The following CENPH variants were observed in gnomAD, a reference collection of about 807,000 sequenced individuals.
CENPH encodes the protein CENP-H.
Under a neutral mutation model 42.9 loss-of-function variants are expected in CENPH, and 40 were observed. The observed-to-expected ratio is 0.93, with a 90% confidence interval of 0.72 to 1.21. CENPH has a LOEUF of 1.21. Among genes scored for constraint, CENPH ranks in the 50% most tolerant of loss-of-function variants. The pLI is 0.00. For missense variants in CENPH, 302 were observed against 292.9 expected (o/e 1.03, Z -0.23); for synonymous variants, 88 against 96.5 (o/e 0.91, Z 0.52).
intron 7 of CENPH, among the ~76,000 whole-genome samples, chr5:69,206,813 CATT>C (rs796295070): frequency 1.3e-5 from 2 of 152,264 alleles, no homozygotes; most frequent in African/African-American, 4.8e-5. Context: ...CATTTGTAAA[CATT>C]ATATAGATTT....
At position 69,189,747 on chromosome 5, in the gene CENPH, A is replaced by G; in HGVS notation, c.113A>G (p.Asp38Gly). ...GGCGCCCAGGCGGCGTGCAGCGAGG[A>G]CCGCATGACCCTGCTCCTCAGGTTG... is the stretch of plus-strand genomic sequence containing the variant. Reference protein sequence around the residue: ...VAGAQAACSEDRMTLLLRLRA... With the variant: ...VAGAQAACSEGRMTLLLRLRA... The change falls in exon 1 of 9, where the codon GAC becomes GGC. Residue 38 changes from aspartate to glycine, a missense_variant. Physicochemically the swap from Asp to Gly is moderately conservative, Grantham distance 94 (BLOSUM62 -1). Coordinates refer to ENST00000283006, the MANE Select transcript of CENPH (RefSeq NM_022909.4). 6.5e-7 allele frequency: 1 copy of G among 1,538,218 alleles called. No individual in the cohort carries two copies. The highest frequency in any genetic ancestry group is 8.7e-7 in the Non-Finnish European group (1 of 1,145,740).
chr5:69,193,824 G>C (rs1213879083), intron 2 of CENPH, among the ~76,000 whole-genome samples: 1 of 151,870 alleles, frequency 6.6e-6, no homozygotes, highest in African/African-American at 2.4e-5. Context: ...GCTAATTTTT[G>C]TATTTTTAGT....
At chr5:69,192,839 G>A (rs934921352) in intron 2 of CENPH, among the ~76,000 whole-genome samples, 1 of 152,212 alleles carries the variant, frequency 6.6e-6, no homozygotes, top group Non-Finnish European at 1.5e-5. Context: ...GCTCACACCT[G>A]TAATCCCGGC....
Position 69,189,587 on chromosome 5 carries a change from T to A in CENPH, c.-48T>A. On this transcript the variant is annotated 5_prime_UTR_variant, in exon 1 of 9. Transcript: ENST00000283006. ...TTTAGTGGCGGGAAAAGCGACCTTT[T>A]CTGAGCGCGTTTGCCTGTTGAGTGG... 6.6e-7 allele frequency: 1 copy of A among 1,516,510 alleles called. No individual in the cohort carries two copies. The highest frequency in any genetic ancestry group is 8.8e-7 in the Non-Finnish European group (1 of 1,134,832). 93.9% of individuals were successfully genotyped at this position (1,516,510 alleles called of 1,614,324 possible). A position where few individuals can be genotyped will look rare whatever the true frequency, so the allele number is the denominator to read the frequency against.
intron 7 of CENPH, among the ~76,000 whole-genome samples, chr5:69,204,061 A>ATAG (rs547233348): frequency 0.013 from 827 of 61,318 alleles, 7 homozygotes; most frequent in South Asian, 0.022. Flanking sequence ...TTATATATAT[A>ATAG]AATATATATA....
Position 69,195,739 on chromosome 5 carries a change from G to A in CENPH, c.262G>A (p.Glu88Lys). 6.4e-7 allele frequency: 1 copy of A among 1,561,642 alleles called. No individual in the cohort carries two copies. Among genetic ancestry groups the A allele is most frequent in the Non-Finnish European group, 8.7e-7 (1 of 1,147,488 alleles). Residue 88 changes from glutamate to lysine, a missense_variant, in exon 4 of 9, where the codon GAA becomes AAA. Physicochemically the swap from Glu to Lys is moderately conservative, Grantham distance 56 (BLOSUM62 1). Transcript: ENST00000283006. ...TAGTAAAATTGAAGACCTGGAAAAT[G>A]AAATTGAAGAGGTAAAAGTTGCTTT... is the stretch of plus-strand genomic sequence containing the variant. The part of the protein sequence containing the change: ...IEAKIEDLEN[E>K]IEEVKVAFEI...
intron 1 of CENPH, among the ~76,000 whole-genome samples, chr5:69,191,460 C>G (rs367916514): frequency 6.6e-6 from 1 of 151,896 alleles, no homozygotes; most frequent in Non-Finnish European, 1.5e-5. Flanking sequence ...TGTGGTGAGC[C>G]GAGATTGCGC....
intron 8 of CENPH, among the ~76,000 whole-genome samples, 181 bp from the exon 9 acceptor site, chr5:69,209,526 G>A (rs945131377): frequency 6.6e-6 from 1 of 150,874 alleles, no homozygotes; most frequent in Non-Finnish European, 1.5e-5. Flanking sequence ...GTGACACAGA[G>A]CAAGACTCCG....
At chr5:69,190,215 G>C (rs10454825) in intron 1 of CENPH, among the ~76,000 whole-genome samples, 24,816 of 152,138 alleles carry the variant, frequency 0.16, 2,300 homozygotes, top group African/African-American at 0.25. Flanking sequence ...TCCACTAAGC[G>C]GTTGCTGGGG....
rs747228713 is a variant in CENPH, at chr5:69,197,121, T to G, written c.371+12T>G. 2.6e-6 allele frequency: 4 copies of G among 1,537,328 alleles called. No homozygotes were observed. Among genetic ancestry groups the G allele is most frequent in the Admixed American group, 4.6e-5 (2 of 43,752 alleles). ...AGCAGACAGTCTAGGTATGATTTTT[T>G]TTTTCTCTGGATTCGGTAAGGATGG... On this transcript the variant is annotated intron_variant, in intron 5 of 8. Transcript: ENST00000283006.
intron 7 of CENPH, among the ~76,000 whole-genome samples, chr5:69,203,783 G>A (rs562221019): frequency 6.6e-6 from 1 of 151,710 alleles, no homozygotes; most frequent in Non-Finnish European, 1.5e-5. Flanking sequence ...GATTACAGGC[G>A]TGAGCCACAG....
chr5:69,196,297 G>A (rs79423249), intron 4 of CENPH, among the ~76,000 whole-genome samples: 3,811 of 152,204 alleles, frequency 0.025, 164 homozygotes, highest in African/African-American at 0.085. Context: ...GTGGGTTTAG[G>A]TCCTGATAAA....
chr5:69,189,765 T>C lies in CENPH; in HGVS notation c.131T>C (p.Leu44Pro), dbSNP rs1025224684. The change falls in exon 1 of 9, where the codon CTC becomes CCC. Residue 44 changes from leucine to proline, a missense_variant. Transcript: ENST00000283006. ...ACSEDRMTLLLRLRAQTKQQL... is the reference protein window; with the variant it reads ...ACSEDRMTLLPRLRAQTKQQL... ...AGCGAGGACCGCATGACCCTGCTCC[T>C]CAGGTTGTTCCCTTTGGCCTCCTCA... The C allele has an allele frequency of 5.3e-6, 8 of 1,496,028 alleles. No homozygotes were observed. The East Asian group carries it at 1.8e-4, about 33-fold the overall frequency. The allele number at this position is 1,496,028 out of a possible 1,614,324, so 92.7% of individuals were successfully genotyped here. A position where few individuals can be genotyped will look rare whatever the true frequency, so the allele number is the denominator to read the frequency against.
intron 2 of CENPH, among the ~76,000 whole-genome samples, chr5:69,192,604 C>A (rs1351054003): frequency 6.6e-6 from 1 of 152,060 alleles, no homozygotes; most frequent in East Asian, 1.9e-4. Context: ...CAAAGTGAGA[C>A]CTCGTCCCTA....
chr5:69,203,452 C>T (rs112370704), intron 7 of CENPH, among the ~76,000 whole-genome samples: 23,227 of 152,024 alleles, frequency 0.15, 1,926 homozygotes, highest in African/African-American at 0.21. Flanking sequence ...CTGCATCCTC[C>T]GCCTCCTGGG....
At chr5:69,199,397 A>G (rs991806881) in intron 5 of CENPH, among the ~76,000 whole-genome samples, 3 of 152,178 alleles carry the variant, frequency 2.0e-5, no homozygotes, top group African/African-American at 7.2e-5. Context: ...CTGGTCGCGA[A>G]CTGCTGAGCT....
chr5:69,189,776 C>T lies in CENPH; in HGVS notation c.134+8C>T. Reference sequence around the variant, plus strand: ...CATGACCCTGCTCCTCAGGTTGTTCCCTTTGGCCTCCTCAGCCGGGGCCAA... The same window carrying T: ...CATGACCCTGCTCCTCAGGTTGTTCTCTTTGGCCTCCTCAGCCGGGGCCAA... On this transcript the variant is annotated splice_region_variant and intron_variant, in intron 1 of 8. Transcript: ENST00000283006. The T allele has an allele frequency of 6.9e-7, 1 of 1,457,418 alleles. No individual in the cohort carries two copies. Among genetic ancestry groups the T allele is most frequent in the South Asian group, 1.4e-5 (1 of 73,140 alleles). The allele number at this position is 1,457,418 out of a possible 1,614,324, so 90.3% of individuals were successfully genotyped here. A position where few individuals can be genotyped will look rare whatever the true frequency, so the allele number is the denominator to read the frequency against.
chr5:69,200,719 CTTTTTTTTTTTTTTTTTTTTTTT>C (rs70992906), intron 5 of CENPH, among the ~76,000 whole-genome samples: 7 of 46,920 alleles, frequency 1.5e-4, no homozygotes, highest in Admixed American at 1.3e-3. Flanking sequence ...ATCAGCGTAT[CTTTTTTTTTTTTTTTTTTTTTTT>C]TTTTTTTTTT....
intron 3 of CENPH, among the ~76,000 whole-genome samples, 170 bp downstream of exon 3, chr5:69,194,865 G>C (rs2112083381): frequency 6.6e-6 from 1 of 151,790 alleles, no homozygotes; most frequent in South Asian, 2.1e-4. Flanking sequence ...ACTGGCCTCA[G>C]CCTCCTGAGT....
Sources: gnomAD v4.1 joint callset for allele counts (sites outside exome capture counted in the v4.1 genomes callset) on GRCh38, gnomAD v4.1.1 for gene constraint, MANE v1.5 for transcripts, NCBI Gene and HGNC (gene_info 2026-07-23, HGNC 2026-07-21) for gene names.